The following REV1 variants were observed in gnomAD, a reference collection of about 807,000 sequenced individuals.
The protein encoded by REV1 is translesion synthesis protein REV1.
REV1 carries 42 observed loss-of-function variants against 137.4 expected under a neutral mutation model. The observed-to-expected ratio is 0.31, with a 90% CI of 0.24 to 0.40. REV1 has a LOEUF of 0.40. REV1 is among the 10% of genes least tolerant of loss of function. The pLI is 1.00. For synonymous variants in REV1, 524 were observed against 519.2 expected, an observed-to-expected ratio of 1.01 and a Z score of -0.12; for missense variants, 1,282 against 1,490.1, an observed-to-expected ratio of 0.86 and a Z score of 2.30.
chr2:99,424,526 T>C (rs1410475213), intron 9 of REV1: 2 of 482,250 alleles, frequency 4.1e-6, no homozygotes, highest in Admixed American at 3.7e-5. Flanking sequence ...CAGGTTTGGC[T>C]CTTGTATCTG....
At chr2:99,452,499 T>A (rs538497007) in intron 3 of REV1, among the ~76,000 whole-genome samples, 6 of 151,880 alleles carry the variant, frequency 4.0e-5, no homozygotes, top group Non-Finnish European at 5.9e-5. Flanking sequence ...ACATTAAACA[T>A]TGTGTGACAC....
chr2:99,454,481 C>G (rs1411505284), intron 3 of REV1, among the ~76,000 whole-genome samples: 1 of 143,104 alleles, frequency 7.0e-6, no homozygotes, highest in Non-Finnish European at 1.5e-5. Flanking sequence ...ACCCAGGTGG[C>G]AGAGGTTGCA....
At chr2:99,457,933 CAAAT>C (rs1683720736) in intron 3 of REV1, among the ~76,000 whole-genome samples, 1 of 145,474 alleles carries the variant, frequency 6.9e-6, no homozygotes, top group Admixed American at 7.1e-5. Context: ...TGGAAATCCA[CAAAT>C]AAAAAAAAAA....
At chr2:99,412,143 G>A (rs1032990786) in intron 13 of REV1, among the ~76,000 whole-genome samples, 1 of 149,474 alleles carries the variant, frequency 6.7e-6, no homozygotes, top group East Asian at 2.0e-4. Flanking sequence ...TGAGGCAGGA[G>A]AATCTCTTGA....
chr2:99,406,641 A>G (rs930099781), intron 15 of REV1, 151 bp from the exon 16 acceptor site: 8 of 554,622 alleles, frequency 1.4e-5, no homozygotes, highest in Non-Finnish European at 2.0e-5. Flanking sequence ...AGCATTCTAT[A>G]TGACTTATTA....
At chr2:99,408,221 GA>G (rs1291531943) in intron 14 of REV1, 90 bp from the exon 15 acceptor site, 1 of 651,558 alleles carries the variant, frequency 1.5e-6, no homozygotes, top group African/African-American at 1.9e-5. Context: ...AAGAGTTATA[GA>G]AAAGTTGTAA....
At position 99,434,455 on chromosome 2, in the gene REV1, G is replaced by C; in HGVS notation, c.1322-7C>G. Reference sequence around the variant, plus strand: ...GTAACAGCCACTGGTTTTCCTGTGAGGAAAATATTAAATTATTTCTGTATG... The same window carrying C: ...GTAACAGCCACTGGTTTTCCTGTGACGAAAATATTAAATTATTTCTGTATG... On this transcript the variant is annotated splice_polypyrimidine_tract_variant and splice_region_variant and intron_variant, in intron 7 of 22. Transcript: ENST00000258428. The C allele has an allele frequency of 6.4e-7, 1 of 1,573,658 alleles. No homozygotes were observed. The highest frequency in any genetic ancestry group is 8.7e-7 in the Non-Finnish European group (1 of 1,155,988).
At chr2:99,447,877 C>G (rs762490812) in intron 4 of REV1, among the ~76,000 whole-genome samples, 9 of 152,248 alleles carry the variant, frequency 5.9e-5, no homozygotes, top group Non-Finnish European at 1.2e-4. Context: ...CAAGCCACCA[C>G]TCCCAGCTAA....
At position 99,424,208 on chromosome 2, in the gene REV1, T is replaced by C. The variant is rs778920143; in HGVS notation, c.1620A>G (p.Pro540=). Residue 540 remains proline (P), a synonymous_variant, in exon 10 of 23, where the codon CCA becomes CCG. Coordinates refer to ENST00000258428, the MANE Select transcript of REV1 (RefSeq NM_016316.4). The part of the protein sequence containing the change: ...KQLCPNLQAV[P]YDFHAYKEVA... ...CTTCCTTATATGCATGAAAATCGTATGGAACAGCTTGAAGATTAGGACATA... is the reference window on the plus strand; with the variant it reads ...CTTCCTTATATGCATGAAAATCGTACGGAACAGCTTGAAGATTAGGACATA... 6.8e-6 allele frequency: 11 copies of C among 1,614,020 alleles called. No homozygotes were observed. Among genetic ancestry groups the C allele is most frequent in the Non-Finnish European group, 7.6e-6 (9 of 1,179,906 alleles).
At chr2:99,479,339 A>AC (rs1686342698) in intron 1 of REV1, among the ~76,000 whole-genome samples, 1 of 151,396 alleles carries the variant, frequency 6.6e-6, no homozygotes, top group African/African-American at 2.4e-5. Flanking sequence ...AAAAAAAAAA[A>AC]AAAAACAAAA....
chr2:99,465,077 A>G, intron 1 of REV1, 92 bp from the exon 2 acceptor site: 1 of 1,105,186 alleles, frequency 9.0e-7, no homozygotes. Flanking sequence ...ATGAGAAATT[A>G]AATTCAAATG....
intron 12 of REV1, among the ~76,000 whole-genome samples, chr2:99,415,188 G>A (rs555112233): frequency 6.6e-6 from 1 of 152,114 alleles, no homozygotes; most frequent in African/African-American, 2.4e-5. Context: ...AACTAAATAC[G>A]TCAATTAAGT....
At chr2:99,414,128 C>T (rs1025113134) in intron 12 of REV1, among the ~76,000 whole-genome samples, 2 of 152,140 alleles carry the variant, frequency 1.3e-5, no homozygotes, top group Non-Finnish European at 2.9e-5. Flanking sequence ...CCATTCCAGC[C>T]TAGGTGACAG....
At chr2:99,471,587 T>G (rs1191308756) in intron 1 of REV1, among the ~76,000 whole-genome samples, 1 of 151,990 alleles carries the variant, frequency 6.6e-6, no homozygotes, top group Non-Finnish European at 1.5e-5. Context: ...AAAACTTCTG[T>G]GAATCACAGG....
At chr2:99,410,607 ACTC>A (rs2104455006) in intron 14 of REV1, 85 bp downstream of exon 14, 1 of 1,194,730 alleles carries the variant, frequency 8.4e-7, no homozygotes, top group South Asian at 1.5e-5. Flanking sequence ...CTTTATTCAA[ACTC>A]CTCCTTGGTT....
intron 11 of REV1, among the ~76,000 whole-genome samples, chr2:99,420,658 T>G (rs1246241014): frequency 6.6e-6 from 1 of 152,084 alleles, no homozygotes; most frequent in Non-Finnish European, 1.5e-5. Context: ...GGCATTAGCC[T>G]CTCTGCATCA....
chr2:99,449,293 A>G (rs987317424), intron 4 of REV1, 43 bp downstream of exon 4: 2 of 1,196,322 alleles, frequency 1.7e-6, no homozygotes, highest in Non-Finnish European at 2.2e-6. Flanking sequence ...AAAGTATTCT[A>G]ACTTTAAAAA....
At position 99,438,790 on chromosome 2, in the gene REV1, T is replaced by C; in HGVS notation, c.1024A>G (p.Lys342Glu). The stretch of plus-strand genomic sequence containing the variant: ...GAAATAAAATTGCAGTCTGAAGGTT[T>C]GGATGGCACTGAAGGTGCTGCCTTG... ...FSKAAPSVPS[K>E]PSDCNFISNF... The change falls in exon 6 of 23, where the codon AAA (lysine) becomes GAA (glutamate). Residue 342 changes from lysine to glutamate, a missense_variant. By Grantham distance (56) the Lys-to-Glu change is moderately conservative. Around this residue, in one of 7 missense-constraint regions of REV1, gnomAD observed 432 missense variants for 438.0 expected, o/e 0.99. Transcript: ENST00000258428. 6.2e-7 allele frequency: 1 copy of C among 1,614,258 alleles called. No individual in the cohort carries two copies. Among genetic ancestry groups the C allele is most frequent in the Non-Finnish European group, 8.5e-7 (1 of 1,180,050 alleles).
At chr2:99,482,381 G>A (rs1686695776) in intron 1 of REV1, among the ~76,000 whole-genome samples, 1 of 152,184 alleles carries the variant, frequency 6.6e-6, no homozygotes, top group African/African-American at 2.4e-5. Flanking sequence ...CCTGAGGTCT[G>A]CGAGTCATTC....
Sources: gnomAD v4.1 joint callset for allele counts (sites outside exome capture counted in the v4.1 genomes callset) on GRCh38, gnomAD v4.1.1 for gene constraint, gnomAD v4.1.1 regional missense constraint, MANE v1.5 for transcripts, NCBI Gene and HGNC (gene_info 2026-07-23, HGNC 2026-07-21) for gene names.